The following ST3GAL3 variants were observed in gnomAD, a reference collection of about 807,000 sequenced individuals.
ST3GAL3 encodes ST3 beta-galactoside alpha-2,3-sialyltransferase 3, also known as CMP-N-acetylneuraminate-beta-1,4-galactoside alpha-2,3-sialyltransferase.
In ST3GAL3, 21 loss-of-function variants were observed where a neutral mutation model predicts 50.1. That is an observed-to-expected ratio of 0.42 (90% CI 0.30 to 0.60). The LOEUF (loss-of-function observed/expected upper bound fraction) is 0.60, where lower values mean the gene tolerates loss of function less well. Ranked by LOEUF, ST3GAL3 falls within the 20% of genes least tolerant of loss-of-function variation. ST3GAL3 has a pLI of 0.19. For missense variants in ST3GAL3, 353 were observed against 489.4 expected (o/e 0.72, Z 2.63); for synonymous variants, 183 against 190.0 (o/e 0.96, Z 0.30).
Position 43,771,730 on chromosome 1 carries a change from TTGTGTGTGTGTG to T in ST3GAL3, c.119-20342_119-20331del, listed in dbSNP as rs143955404. 1.8e-3 allele frequency among the ~76,000 whole-genome samples: 256 copies of T among 145,116 alleles called. 1 individual carries two copies. Among genetic ancestry groups the T allele is most frequent in the East Asian group, 6.5e-3 (32 of 4,912 alleles). On this transcript the variant is annotated intron_variant, in intron 2 of 11. Transcript: ENST00000347631. ...CTCAGATTATAATGTTTTAATAAAG[TTGTGTGTGTGTG>T]TGTGTGTGTGTGTGTGTGTGTGTGT... is the stretch of plus-strand genomic sequence containing the variant.
intron 9 of ST3GAL3, chr1:43,911,733 G>A (rs1323715964): frequency 6.6e-6 from 1 of 150,502 alleles, no homozygotes; most frequent in African/African-American, 2.4e-5. Context: ...TGTCACCCAG[G>A]CTGGAGTGCA....
intron 9 of ST3GAL3, among the ~76,000 whole-genome samples, chr1:43,906,932 A>G (rs77110534): frequency 6.6e-6 from 1 of 152,318 alleles, no homozygotes; most frequent in East Asian, 1.9e-4. Context: ...AGCCTAATTA[A>G]AACTCAGATC....
chr1:43,746,626 C>T (rs553322301), intron 2 of ST3GAL3, among the ~76,000 whole-genome samples: 173 of 151,816 alleles, frequency 1.1e-3, no homozygotes, highest in African/African-American at 3.9e-3. Flanking sequence ...CCACATCTGG[C>T]TAATTTTTTG....
In ST3GAL3 at chr1:43,930,235, A is replaced by G. The variant is rs183204536; in HGVS notation, c.*14A>G. 3.1e-6 allele frequency: 5 copies of G among 1,611,954 alleles called. No individual in the cohort carries two copies. The highest frequency in any genetic ancestry group is 1.3e-5 in the African/African-American group (1 of 74,886). On this transcript the variant is annotated 3_prime_UTR_variant, in exon 12 of 12. Coordinates refer to ENST00000347631, the MANE Select transcript of ST3GAL3 (RefSeq NM_006279.5). ...AGTGGCATCTGAGTGGGCCCAGCAC[A>G]TGGCCATAGAGGCCCAGGCACCACC... is the stretch of plus-strand genomic sequence containing the variant.
intron 9 of ST3GAL3, among the ~76,000 whole-genome samples, chr1:43,903,655 C>T (rs2078669295): frequency 6.6e-6 from 1 of 152,144 alleles, no homozygotes. Context: ...GTACTTCAGT[C>T]CCTGGGAGGA....
At chr1:43,866,451 G>A (rs1462426715) in intron 5 of ST3GAL3, among the ~76,000 whole-genome samples, 1 of 152,096 alleles carries the variant, frequency 6.6e-6, no homozygotes, top group Non-Finnish European at 1.5e-5. Context: ...ACATGTGGTG[G>A]TGTGCACCCA....
chr1:43,816,506 G>A lies in ST3GAL3; in HGVS notation c.209+1573G>A, dbSNP rs72886871. 2.9e-3 allele frequency among the ~76,000 whole-genome samples: 443 copies of A among 152,154 alleles called. 3 individuals carry two copies. Among genetic ancestry groups the A allele is most frequent in the African/African-American group, 0.01 (424 of 41,516 alleles). Reference sequence around the variant, plus strand: ...TAGAAAATCCTTAATTTAGTACTCTGGAAAAAAACAAATCAAGTATAAGCC... The same window carrying A: ...TAGAAAATCCTTAATTTAGTACTCTAGAAAAAAACAAATCAAGTATAAGCC... On this transcript the variant is annotated intron_variant, in intron 4 of 11. Transcript: ENST00000347631.
intron 5 of ST3GAL3, among the ~76,000 whole-genome samples, chr1:43,866,023 C>G (rs2071246226): frequency 6.6e-6 from 1 of 152,184 alleles, no homozygotes; most frequent in Non-Finnish European, 1.5e-5. Flanking sequence ...AGCCAAGCAG[C>G]CGGGCCTTTT....
At chr1:43,886,220 A>C (rs1361924800) in intron 5 of ST3GAL3, among the ~76,000 whole-genome samples, 2 of 152,184 alleles carry the variant, frequency 1.3e-5, no homozygotes, top group Non-Finnish European at 2.9e-5. Context: ...GTCTCTACTA[A>C]AAATACAAAC....
chr1:43,768,302 T>C (rs996766058), intron 2 of ST3GAL3, among the ~76,000 whole-genome samples: 9 of 152,034 alleles, frequency 5.9e-5, no homozygotes. Flanking sequence ...TAGCTGGGTG[T>C]GGTGGTACAT....
intron 9 of ST3GAL3, among the ~76,000 whole-genome samples, chr1:43,906,591 C>A (rs1382570050): frequency 6.8e-6 from 1 of 146,414 alleles, no homozygotes; most frequent in Non-Finnish European, 1.5e-5. Context: ...TGTTCCTCTT[C>A]CTGCCACTCT....
At chr1:43,907,069 C>G (rs2079904750) in intron 9 of ST3GAL3, among the ~76,000 whole-genome samples, 1 of 152,202 alleles carries the variant, frequency 6.6e-6, no homozygotes, top group South Asian at 2.1e-4. Context: ...TAACTCTTCT[C>G]CATGCCAGGC....
At chr1:43,843,878 C>T (rs1186866090) in intron 5 of ST3GAL3, among the ~76,000 whole-genome samples, 1 of 152,150 alleles carries the variant, frequency 6.6e-6, no homozygotes. Flanking sequence ...CGTCAGATCC[C>T]ACAGGTTGAC....
intron 11 of ST3GAL3, among the ~76,000 whole-genome samples, chr1:43,926,378 C>T (rs1409671982): frequency 2.0e-5 from 3 of 152,104 alleles, no homozygotes; most frequent in East Asian, 1.9e-4. Flanking sequence ...CATCTGAGGT[C>T]GGGAGTTCCG....
chr1:43,708,750 C>T (rs569034896), intron 1 of ST3GAL3, among the ~76,000 whole-genome samples: 1 of 152,180 alleles, frequency 6.6e-6, no homozygotes, highest in Non-Finnish European at 1.5e-5. Flanking sequence ...CTCTCCATTT[C>T]GCGTGTCTAA....
rs2077904171 is a variant in ST3GAL3, at chr1:43,899,445, G to T, written c.558-96G>T. 1 of 1,567,262 alleles carries T rather than the reference G, an allele frequency of 6.4e-7. No homozygotes were observed. The highest frequency in any genetic ancestry group is 1.3e-5 in the African/African-American group (1 of 74,076). On this transcript the variant is annotated intron_variant, in intron 8 of 11. Coordinates refer to ENST00000347631, the MANE Select transcript of ST3GAL3 (RefSeq NM_006279.5). The surrounding 1 kb of genome is among the most constrained non-coding windows in gnomAD (Gnocchi z 5.4). Reference sequence around the variant, plus strand: ...GCACCTGGGGAGAATAGGTCCAGGTGACCTGGACTCCCTATTCTCCATGCC... The same window carrying T: ...GCACCTGGGGAGAATAGGTCCAGGTTACCTGGACTCCCTATTCTCCATGCC...
At chr1:43,729,278 C>G (rs1674541735) in intron 1 of ST3GAL3, among the ~76,000 whole-genome samples, 1 of 151,860 alleles carries the variant, frequency 6.6e-6, no homozygotes, top group Non-Finnish European at 1.5e-5. Context: ...TTTGTAAAGA[C>G]TATATTGCCC....
At chr1:43,817,413 CCTCCTTCTCCTT>C (rs1449919411) in intron 4 of ST3GAL3, among the ~76,000 whole-genome samples, 16 of 43,290 alleles carry the variant, frequency 3.7e-4, no homozygotes, top group Non-Finnish European at 6.0e-4. Context: ...TCCTTCTTCT[CCTCCTTCTCCTT>C]CTTCTCCTTC....
intron 3 of ST3GAL3, among the ~76,000 whole-genome samples, chr1:43,810,383 G>A (rs1349856181): frequency 6.6e-6 from 1 of 152,102 alleles, no homozygotes; most frequent in Admixed American, 6.5e-5. Context: ...TGTGGCAGGA[G>A]GTAGAGACGG....
Sources: gnomAD v4.1 joint callset for allele counts (sites outside exome capture counted in the v4.1 genomes callset) on GRCh38, gnomAD v4.1.1 for gene constraint, Gnocchi (gnomAD v3.1) non-coding constraint, MANE v1.5 for transcripts, NCBI Gene and HGNC (gene_info 2026-07-23, HGNC 2026-07-21) for gene names.